Variants in KLHL1 observed in about 807,000 individuals in gnomAD.
KLHL1 encodes kelch like family member 1.
Under a neutral mutation model 77.7 loss-of-function variants are expected in KLHL1, and 47 were observed. That is an observed-to-expected ratio of 0.60 (90% confidence interval 0.48 to 0.77). KLHL1 has a LOEUF of 0.77. Ranked by LOEUF, KLHL1 falls within the 30% of genes least tolerant of loss-of-function variation. The pLI, the probability that KLHL1 is intolerant of heterozygous loss-of-function variation, is 0.00. For synonymous variants in KLHL1, 360 were observed against 325.2 expected (o/e 1.11, Z -1.15); for missense variants, 925 against 910.8 (o/e 1.02, Z -0.20).
chr13:69,796,578 T>C (rs1877115743), intron 7 of KLHL1, among the ~76,000 whole-genome samples, 160 bp downstream of exon 7: 2 of 152,184 alleles, frequency 1.3e-5, no homozygotes, highest in African/African-American at 4.8e-5. Context: ...GCTAGAAGAA[T>C]AGTGAGCCAA....
At chr13:69,986,178 A>G (rs982809100) in intron 1 of KLHL1, among the ~76,000 whole-genome samples, 6 of 151,902 alleles carry the variant, frequency 3.9e-5, no homozygotes, top group African/African-American at 1.4e-4. Flanking sequence ...GAGGCTGAGG[A>G]GACTGTGGGG....
At chr13:69,920,762 C>T (rs1882605952) in intron 4 of KLHL1, among the ~76,000 whole-genome samples, 1 of 151,958 alleles carries the variant, frequency 6.6e-6, no homozygotes, top group Non-Finnish European at 1.5e-5. Flanking sequence ...CACAATTGCT[C>T]TTAAGAAAAA....
intron 4 of KLHL1, among the ~76,000 whole-genome samples, chr13:69,886,333 C>A (rs9564629): frequency 0.94 from 142,060 of 151,886 alleles, 66,606 homozygotes; most frequent in Non-Finnish European, 0.97. Context: ...CTAGCTAAAA[C>A]AATGTAGTTT....
At chr13:69,889,872 C>A (rs549526579) in intron 4 of KLHL1, among the ~76,000 whole-genome samples, 1 of 151,984 alleles carries the variant, frequency 6.6e-6, no homozygotes, top group Non-Finnish European at 1.5e-5. Context: ...TAAGTGTTAG[C>A]CATTACTATT....
chr13:69,702,594 C>T (rs928503962), intron 10 of KLHL1, among the ~76,000 whole-genome samples: 2 of 151,536 alleles, frequency 1.3e-5, no homozygotes, highest in Admixed American at 1.3e-4. Flanking sequence ...AAATCACATG[C>T]ATTATCTTAT....
chr13:70,057,723 C>G (rs1253053271), intron 1 of KLHL1, among the ~76,000 whole-genome samples: 1 of 139,656 alleles, frequency 7.2e-6, no homozygotes, highest in African/African-American at 2.6e-5. Flanking sequence ...TTGCAGTGAG[C>G]CGAGATTGCG....
At chr13:69,857,912 T>C (rs967257441) in intron 5 of KLHL1, among the ~76,000 whole-genome samples, 1 of 151,902 alleles carries the variant, frequency 6.6e-6, no homozygotes, top group Non-Finnish European at 1.5e-5. Flanking sequence ...GGGTAATTCC[T>C]GGTGCCACAG....
intron 6 of KLHL1, among the ~76,000 whole-genome samples, chr13:69,837,695 T>C (rs1336186204): frequency 1.4e-5 from 2 of 144,416 alleles, no homozygotes; most frequent in Non-Finnish European, 3.0e-5. Context: ...TATACACATA[T>C]ATATATAGAT....
chr13:70,055,720 T>A (rs758959366), intron 1 of KLHL1, among the ~76,000 whole-genome samples: 5 of 152,060 alleles, frequency 3.3e-5, no homozygotes, highest in Admixed American at 6.6e-5. Context: ...TGTTAATTGG[T>A]TTGTTTTCGC....
chr13:70,100,719 T>A (rs1305692049), intron 1 of KLHL1, among the ~76,000 whole-genome samples: 2 of 152,224 alleles, frequency 1.3e-5, no homozygotes, highest in East Asian at 3.8e-4. Context: ...TCAGATCTTT[T>A]CTTTAAAGTT....
At position 70,086,443 on chromosome 13, in the gene KLHL1, C is replaced by T. The variant is rs146277031; in HGVS notation, c.497+20760G>A. Among the ~76,000 whole-genome samples, 652 of 150,732 alleles carry T rather than the reference C, an allele frequency of 4.3e-3. 3 individuals are homozygous for T. Among genetic ancestry groups the T allele is most frequent in the Non-Finnish European group, 6.5e-3 (438 of 67,538 alleles). On this transcript the variant is annotated intron_variant, in intron 1 of 10. Coordinates refer to ENST00000377844, the MANE Select transcript of KLHL1 (RefSeq NM_020866.3). The stretch of plus-strand genomic sequence containing the variant: ...ATCAAAAATACAAAAATTAGCCTGG[C>T]GGTGGTGGGCACCTGTAATCCCAGC...
chr13:69,920,939 C>T (rs1397565189), intron 4 of KLHL1, among the ~76,000 whole-genome samples: 2 of 152,138 alleles, frequency 1.3e-5, no homozygotes, highest in Non-Finnish European at 2.9e-5. Flanking sequence ...AACTTCTATC[C>T]TGTTTTAACA....
intron 7 of KLHL1, among the ~76,000 whole-genome samples, chr13:69,789,224 T>C (rs1049583050): frequency 1.3e-5 from 2 of 152,106 alleles, no homozygotes; most frequent in African/African-American, 4.8e-5. Context: ...CACTCAGACA[T>C]TGAATTTCAG....
At chr13:69,988,733 T>A (rs1884942985) in intron 1 of KLHL1, among the ~76,000 whole-genome samples, 1 of 152,184 alleles carries the variant, frequency 6.6e-6, no homozygotes, top group Non-Finnish European at 1.5e-5. Flanking sequence ...CATTTTTTCA[T>A]AAGTATATTG....
intron 7 of KLHL1, among the ~76,000 whole-genome samples, chr13:69,784,606 A>G (rs2138012451): frequency 6.6e-6 from 1 of 151,428 alleles, no homozygotes; most frequent in South Asian, 2.1e-4. Flanking sequence ...ACATAATGAT[A>G]AAGGGATCAA....
intron 5 of KLHL1, among the ~76,000 whole-genome samples, chr13:69,853,126 A>T (rs1279225153): frequency 6.6e-6 from 1 of 151,952 alleles, no homozygotes; most frequent in Non-Finnish European, 1.5e-5. Flanking sequence ...ACTTTTTCAA[A>T]ACAAGAACTG....
At chr13:69,728,445 C>T (rs1026401214) in intron 8 of KLHL1, among the ~76,000 whole-genome samples, 1 of 151,814 alleles carries the variant, frequency 6.6e-6, no homozygotes, top group Non-Finnish European at 1.5e-5. Flanking sequence ...GAGACAGAGT[C>T]TCTGTCTCCC....
intron 5 of KLHL1, 96 bp from the exon 6 acceptor site, chr13:69,839,258 C>A: frequency 1.3e-6 from 1 of 799,402 alleles, no homozygotes; most frequent in Non-Finnish European, 1.9e-6. Flanking sequence ...GTGATATTAT[C>A]CTTATATTGA....
At chr13:70,059,011 C>T (rs1405900572) in intron 1 of KLHL1, among the ~76,000 whole-genome samples, 2 of 151,970 alleles carry the variant, frequency 1.3e-5, no homozygotes, top group Non-Finnish European at 2.9e-5. Flanking sequence ...TATTCATGTG[C>T]AGAATAATAA....
Sources: allele counts gnomAD v4.1 joint callset (sites outside exome capture counted in the v4.1 genomes callset), GRCh38; gene constraint gnomAD v4.1.1; transcripts MANE v1.5; gene names NCBI Gene and HGNC (gene_info 2026-07-23, HGNC 2026-07-21).